The following ERC1 variants were observed in gnomAD, a reference collection of about 807,000 sequenced individuals.
The protein encoded by ERC1 is RAB6 interacting protein 2.
Under a neutral mutation model 132.0 loss-of-function variants are expected in ERC1, and 56 were observed. The observed-to-expected ratio is 0.42, with a 90% CI of 0.34 to 0.53. The LOEUF (loss-of-function observed/expected upper bound fraction) is 0.53, where lower values mean the gene tolerates loss of function less well. Ranked by LOEUF, ERC1 falls within the 20% of genes least tolerant of loss-of-function variation. The probability of loss-of-function intolerance (pLI) is 0.03; values close to 1 mark genes in which losing one functional copy is unlikely to be tolerated. For missense variants in ERC1, 1,202 were observed against 1,349.9 expected (o/e 0.89, Z 1.72); for synonymous variants, 478 against 476.1 (o/e 1.00, Z -0.05).
At chr12:1,199,218 G>A (rs1223292834) in intron 12 of ERC1, among the ~76,000 whole-genome samples, 2 of 142,776 alleles carry the variant, frequency 1.4e-5, no homozygotes, top group African/African-American at 5.2e-5. Context: ...CATGAGAGTT[G>A]GGTGGGGACA....
chr12:1,402,185 T>C (rs1275070653), intron 16 of ERC1, among the ~76,000 whole-genome samples: 1 of 152,210 alleles, frequency 6.6e-6, no homozygotes, highest in Non-Finnish European at 1.5e-5. Context: ...TGTGAGATGC[T>C]GCTAAAGCAG....
At chr12:1,000,115 C>T (rs998334554) in intron 1 of ERC1, among the ~76,000 whole-genome samples, 1 of 152,150 alleles carries the variant, frequency 6.6e-6, no homozygotes, top group Non-Finnish European at 1.5e-5. Context: ...TTTTATGTGA[C>T]AGCCCTTTTG....
At chr12:1,068,560 C>T (rs555787843) in intron 2 of ERC1, among the ~76,000 whole-genome samples, 1 of 151,938 alleles carries the variant, frequency 6.6e-6, no homozygotes, top group African/African-American at 2.4e-5. Context: ...AATTTTTATC[C>T]CTCTAACAGT....
chr12:1,345,247 C>T (rs1047666602), intron 15 of ERC1, among the ~76,000 whole-genome samples: 24 of 145,590 alleles, frequency 1.6e-4, no homozygotes, highest in African/African-American at 5.5e-4. Context: ...GTGGCGTGAT[C>T]TGGGCTCACT....
intron 3 of ERC1, among the ~76,000 whole-genome samples, chr12:1,096,526 G>A (rs768354674): frequency 8.5e-5 from 13 of 152,104 alleles, no homozygotes; most frequent in Admixed American, 1.3e-4. Flanking sequence ...TATCTACCGT[G>A]TGCCCAGTCA....
Position 1,028,267 on chromosome 12 carries a change from A to G in ERC1, c.364A>G (p.Thr122Ala), listed in dbSNP as rs141356033. 3.8e-5 allele frequency: 62 copies of G among 1,614,042 alleles called. No homozygotes were observed. In the African/African-American group the frequency reaches 6.9e-4, roughly 18 times the overall value. Residue 122 changes from threonine to alanine, a missense_variant, in exon 2 of 19, where the codon ACC (threonine) becomes GCC (alanine). By Grantham distance (58) the Thr-to-Ala change is moderately conservative. Transcript: ENST00000360905. ...NIASSGVASDTIAFGEHHLPP... is the reference protein window; with the variant it reads ...NIASSGVASDAIAFGEHHLPP... ...AGCTAGCAGTGGGGTTGCTAGTGAC[A>G]CCATAGCATTTGGAGAGCATCACCT...
chr12:1,107,341 T>C (rs1330418217), intron 4 of ERC1, among the ~76,000 whole-genome samples: 1 of 152,046 alleles, frequency 6.6e-6, no homozygotes, highest in Non-Finnish European at 1.5e-5. Flanking sequence ...GAATTGAGGG[T>C]GATGATGACA....
intron 15 of ERC1, among the ~76,000 whole-genome samples, chr12:1,335,654 A>G (rs2083249343): frequency 6.6e-6 from 1 of 151,666 alleles, no homozygotes; most frequent in South Asian, 2.1e-4. Context: ...TTTTGCATTG[A>G]CGTTCCTCAA....
chr12:1,390,438 TC>T (rs1349080478), intron 16 of ERC1, among the ~76,000 whole-genome samples: 2 of 152,208 alleles, frequency 1.3e-5, no homozygotes, highest in Non-Finnish European at 2.9e-5. Context: ...GTTTAATTTT[TC>T]AAATTGATAA....
chr12:1,289,690 T>C (rs533538991), intron 14 of ERC1, among the ~76,000 whole-genome samples, 162 bp from the exon 15 acceptor site: 1 of 152,314 alleles, frequency 6.6e-6, no homozygotes, highest in South Asian at 2.1e-4. Flanking sequence ...ATATTGATTC[T>C]TGATATATAC....
At position 1,429,371 on chromosome 12, in the gene ERC1, C is replaced by G. The variant is rs1033960383; in HGVS notation, c.3025-15191C>G. On this transcript the variant is annotated intron_variant, in intron 17 of 18. Coordinates refer to ENST00000360905, the MANE Select transcript of ERC1 (RefSeq NM_178040.4). ...TCTAGTACTCATATTGTTTTGTCTT[C>G]TAAGAATTGAACCAGGATGTTTATC... Among the ~76,000 whole-genome samples the G allele has an allele frequency of 4.6e-5, 7 of 152,240 alleles. No homozygotes were observed. The East Asian group carries it at 1.2e-3, about 25-fold the overall frequency.
intron 18 of ERC1, among the ~76,000 whole-genome samples, chr12:1,476,854 C>T (rs2093984358): frequency 2.0e-5 from 3 of 152,078 alleles, no homozygotes; most frequent in Admixed American, 2.0e-4. Context: ...CGAGAACAAA[C>T]TAAATGTCTA....
chr12:1,361,098 C>CA (rs760525917), intron 15 of ERC1, among the ~76,000 whole-genome samples: 2,457 of 47,856 alleles, frequency 0.051, 51 homozygotes, highest in Middle Eastern at 0.075. Context: ...GGCTCTGTCT[C>CA]AAAAAAAAAA....
intron 2 of ERC1, among the ~76,000 whole-genome samples, chr12:1,057,689 G>C (rs375688624): frequency 6.7e-6 from 1 of 149,062 alleles, no homozygotes; most frequent in Non-Finnish European, 1.5e-5. Flanking sequence ...TCTGCTTCCC[G>C]GGTTCAAGCG....
At position 1,004,926 on chromosome 12, in the gene ERC1, G is replaced by T. The variant is rs544582961; in HGVS notation, c.-157+13604G>T. 5.9e-5 allele frequency among the ~76,000 whole-genome samples: 9 copies of T among 151,744 alleles called. No individual in the cohort carries two copies. The South Asian group carries it at 1.9e-3, about 32-fold the overall frequency. On this transcript the variant is annotated intron_variant, in intron 1 of 18. Transcript: ENST00000360905. ...GTTGCTGAACTTTTCAAGGAAGAAA[G>T]ACCGTATTTAACTTCTGATTCATCA...
chr12:1,440,600 TTGTGTGTG>T (rs56749397), intron 17 of ERC1, among the ~76,000 whole-genome samples: 3,851 of 50,940 alleles, frequency 0.076, 235 homozygotes, highest in East Asian at 0.098. Flanking sequence ...CCTCAGCCTT[TTGTGTGTG>T]TGTGTGTGTG....
At chr12:1,151,163 A>G (rs1480267460) in intron 8 of ERC1, among the ~76,000 whole-genome samples, 2 of 152,238 alleles carry the variant, frequency 1.3e-5, no homozygotes, top group African/African-American at 4.8e-5. Context: ...AGAATAATAA[A>G]GTAACAGTGA....
At position 1,190,010 on chromosome 12, in the gene ERC1, A is replaced by G. The variant is rs1450489668; in HGVS notation, c.2309A>G (p.Asn770Ser). The change falls in exon 12 of 19, where the codon AAT becomes AGT. Residue 770 changes from asparagine to serine, a missense_variant. Coordinates refer to ENST00000360905, the MANE Select transcript of ERC1 (RefSeq NM_178040.4). ...RLLEILKEVENEKNDKDKKIA... is the reference protein window; with the variant it reads ...RLLEILKEVESEKNDKDKKIA... ...TTAGAAATCTTGAAGGAGGTGGAAA[A>G]TGAGAAGAATGACAAAGATAAGAAG... 6.2e-7 allele frequency: 1 copy of G among 1,614,070 alleles called. No homozygotes were observed. Among genetic ancestry groups the G allele is most frequent in the South Asian group, 1.1e-5 (1 of 91,072 alleles).
At chr12:1,472,137 C>T (rs73601909) in intron 18 of ERC1, among the ~76,000 whole-genome samples, 3,762 of 152,052 alleles carry the variant, frequency 0.025, 164 homozygotes, top group African/African-American at 0.086. Context: ...AGCTGCAGGT[C>T]GGGGATAGGG....
Sources: allele counts gnomAD v4.1 joint callset (sites outside exome capture counted in the v4.1 genomes callset), GRCh38; gene constraint gnomAD v4.1.1; transcripts MANE v1.5; gene names NCBI Gene and HGNC (gene_info 2026-07-23, HGNC 2026-07-21).